The following TRIM38 variants were observed in gnomAD, a reference collection of about 807,000 sequenced individuals.
The protein encoded by TRIM38 is E3 ubiquitin-protein ligase TRIM38.
A neutral mutation model predicts 35.8 loss-of-function variants in TRIM38; 35 were observed. The ratio of observed to expected loss-of-function variants is 0.98; its 90% confidence interval spans 0.75 to 1.30. TRIM38 has a LOEUF of 1.30. Among genes scored for constraint, TRIM38 ranks in the 50% most tolerant of loss-of-function variants. The pLI is 0.00. For synonymous variants in TRIM38, 198 were observed against 204.7 expected (o/e 0.97, Z 0.28); for missense variants, 545 against 556.9 (o/e 0.98, Z 0.21).
intron 7 of TRIM38, among the ~76,000 whole-genome samples, chr6:25,977,188 G>A (rs1214725850): frequency 6.6e-6 from 1 of 152,142 alleles, no homozygotes; most frequent in Non-Finnish European, 1.5e-5. Flanking sequence ...TGTCCAAAGA[G>A]CTTAGTCATC....
In TRIM38 at chr6:25,986,763, T is replaced by C. The variant is rs1481605460; in HGVS notation, c.*3076T>C. ...AGAAAATCCAGGTCTTGTTTGTGTA[T>C]GGAAACTCCAGAAAATCACAGATTC... On this transcript the variant is annotated 3_prime_UTR_variant, in exon 8 of 8. Transcript: ENST00000357085. 6.6e-6 allele frequency: 1 copy of C among 152,074 alleles called. No homozygotes were observed. The highest frequency in any genetic ancestry group is 2.4e-5 in the African/African-American group (1 of 41,400). 9.4% of individuals were successfully genotyped at this position (152,074 alleles called of 1,614,324 possible). A position where few individuals can be genotyped will look rare whatever the true frequency, so the allele number is the denominator to read the frequency against.
chr6:25,966,976 A>T, intron 3 of TRIM38, 43 bp downstream of exon 3: 1 of 1,528,236 alleles, frequency 6.5e-7, no homozygotes, highest in Non-Finnish European at 8.8e-7. Flanking sequence ...ACCAAGTCTT[A>T]TCCTGCTCCC....
intron 3 of TRIM38, among the ~76,000 whole-genome samples, chr6:25,968,711 T>C (rs1382792063): frequency 1.3e-5 from 2 of 152,234 alleles, no homozygotes; most frequent in Non-Finnish European, 2.9e-5. Context: ...AGAAACTGTT[T>C]TGAAGAATAA....
chr6:25,976,129 T>C (rs1760386272), intron 7 of TRIM38, among the ~76,000 whole-genome samples: 1 of 152,190 alleles, frequency 6.6e-6, no homozygotes, highest in African/African-American at 2.4e-5. Context: ...CATTTTTGCT[T>C]TATAGAGGAG....
chr6:25,987,990 G>A lies in TRIM38; in HGVS notation c.*4303G>A, dbSNP rs1399906285. On this transcript the variant is annotated 3_prime_UTR_variant, in exon 8 of 8. Coordinates refer to ENST00000357085, the MANE Select transcript of TRIM38 (RefSeq NM_006355.5). ...TTACTCCGGACCAGATTGAAGACTAGCCGAAACAGGGACGAGGTTAAAGCA... is the reference window on the plus strand; with the variant it reads ...TTACTCCGGACCAGATTGAAGACTAACCGAAACAGGGACGAGGTTAAAGCA... 1 of 152,176 alleles carries A rather than the reference G, an allele frequency of 6.6e-6. No homozygotes were observed. The highest frequency in any genetic ancestry group is 1.5e-5 in the Non-Finnish European group (1 of 68,032). The allele number at this position is 152,176 out of a possible 1,614,324, so 9.4% of individuals were successfully genotyped here.
intron 7 of TRIM38, chr6:25,975,182 C>T: frequency 1.0e-6 from 1 of 958,194 alleles, no homozygotes; most frequent in Non-Finnish European, 1.2e-6. Context: ...TATTTCTCCC[C>T]TCTTAAACAC....
In TRIM38 at chr6:25,963,172, G is replaced by A. The variant is rs925850255; in HGVS notation, c.-299G>A. On this transcript the variant is annotated 5_prime_UTR_variant, in exon 2 of 8. Coordinates refer to ENST00000357085, the MANE Select transcript of TRIM38 (RefSeq NM_006355.5). ...AGAGCAGTGACCCCAGCAGAGAGGG[G>A]CCTGGTGTATCACTGGAGGAAATAG... The A allele has an allele frequency of 6.6e-6, 1 of 152,356 alleles. No individual in the cohort carries two copies. Among genetic ancestry groups the A allele is most frequent in the Non-Finnish European group, 1.5e-5 (1 of 68,098 alleles). 9.4% of individuals were successfully genotyped at this position (152,356 alleles called of 1,614,324 possible).
At chr6:25,970,836 G>A (rs898315771) in intron 4 of TRIM38, among the ~76,000 whole-genome samples, 1 of 152,136 alleles carries the variant, frequency 6.6e-6, no homozygotes, top group African/African-American at 2.4e-5. Context: ...AAATTGCCCT[G>A]AATACACACT....
chr6:25,991,214 G>A lies in TRIM38; in HGVS notation c.*7527G>A, dbSNP rs1196327119. Reference sequence around the variant, plus strand: ...TTGGACACTGGGTCCATTAAAGATTGTATGTGAAATTATAAAAGAAACGTT... The same window carrying A: ...TTGGACACTGGGTCCATTAAAGATTATATGTGAAATTATAAAAGAAACGTT... On this transcript the variant is annotated 3_prime_UTR_variant, in exon 8 of 8. Coordinates refer to ENST00000357085, the MANE Select transcript of TRIM38 (RefSeq NM_006355.5). The A allele has an allele frequency of 2.0e-5, 3 of 152,194 alleles. No individual in the cohort carries two copies. The highest frequency in any genetic ancestry group is 1.3e-4 in the Admixed American group (2 of 15,278). 9.4% of individuals were successfully genotyped at this position (152,194 alleles called of 1,614,324 possible).
chr6:25,989,839 A>G lies in TRIM38; in HGVS notation c.*6152A>G, dbSNP rs1170392188. The G allele has an allele frequency of 6.6e-6, 1 of 151,900 alleles. No homozygotes were observed. The highest frequency in any genetic ancestry group is 1.5e-5 in the Non-Finnish European group (1 of 67,972). 9.4% of individuals were successfully genotyped at this position (151,900 alleles called of 1,614,324 possible). ...ATTTAAGACATTTTATAACTGGCCA[A>G]ATTTACTAGCTTAGATACTATTAGA... On this transcript the variant is annotated 3_prime_UTR_variant, in exon 8 of 8. Transcript: ENST00000357085.
chr6:25,990,406 T>A lies in TRIM38; in HGVS notation c.*6719T>A, dbSNP rs1561907191. The A allele has an allele frequency of 1.3e-5, 2 of 152,230 alleles. No homozygotes were observed. Among genetic ancestry groups the A allele is most frequent in the Non-Finnish European group, 2.9e-5 (2 of 68,090 alleles). The allele number at this position is 152,230 out of a possible 1,614,324, so 9.4% of individuals were successfully genotyped here. On this transcript the variant is annotated 3_prime_UTR_variant, in exon 8 of 8. Coordinates refer to ENST00000357085, the MANE Select transcript of TRIM38 (RefSeq NM_006355.5). ...TCACTGCAGCCTTGACTGCCTAGGC[T>A]CAAGTCATCCTCCCACCTCAGCCTC...
intron 3 of TRIM38, among the ~76,000 whole-genome samples, chr6:25,968,831 G>A (rs923023151): frequency 1.3e-5 from 2 of 152,280 alleles, no homozygotes; most frequent in East Asian, 3.9e-4. Context: ...ATAACCAGCT[G>A]GCATCCTGAT....
Position 25,986,219 on chromosome 6 carries a change from A to G in TRIM38, c.*2532A>G, listed in dbSNP as rs1216260499. 6.6e-6 allele frequency: 1 copy of G among 152,234 alleles called. No homozygotes were observed. The highest frequency in any genetic ancestry group is 1.5e-5 in the Non-Finnish European group (1 of 68,036). The allele number at this position is 152,234 out of a possible 1,614,324, so 9.4% of individuals were successfully genotyped here. On this transcript the variant is annotated 3_prime_UTR_variant, in exon 8 of 8. Coordinates refer to ENST00000357085, the MANE Select transcript of TRIM38 (RefSeq NM_006355.5). ...AAATCTAAACAGACTGATAAATACA[A>G]AATGAAATTCAGACACTTACAGAGC...
chr6:25,989,507 A>ATTTTTTTTTTTTTTTTTTTTTTTTT lies in TRIM38; in HGVS notation c.*5822_*5823insTTTTTTTTTTTTTTTTTTTTTTTTT, dbSNP rs1254792103. On this transcript the variant is annotated 3_prime_UTR_variant, in exon 8 of 8. Coordinates refer to ENST00000357085, the MANE Select transcript of TRIM38 (RefSeq NM_006355.5). ...TTTGCTATTGTTAGCAAGGTCTTGT[A>ATTTTTTTTTTTTTTTTTTTTTTTTT]TTCTTTTTTTTTTTTTTTTTTTTTT... is the stretch of plus-strand genomic sequence containing the variant. 1.8e-5 allele frequency: 2 copies of ATTTTTTTTTTTTTTTTTTTTTTTTT among 109,938 alleles called. No individual in the cohort carries two copies. The highest frequency in any genetic ancestry group is 9.2e-5 in the Admixed American group (1 of 10,822). 6.8% of individuals were successfully genotyped at this position (109,938 alleles called of 1,614,324 possible).
In TRIM38 at chr6:25,972,125, A is replaced by G. The variant is rs755161078; in HGVS notation, c.738+26A>G. 15 of 1,593,842 alleles carry G rather than the reference A, an allele frequency of 9.4e-6. No homozygotes were observed. In the African/African-American group the frequency reaches 2.0e-4, roughly 21 times the overall value. On this transcript the variant is annotated intron_variant, in intron 5 of 7. Transcript: ENST00000357085. ...GTGAGGCTGTGTACTTGGAGTAGGG[A>G]AAAAAGGTATGTTATAGTGCTATTA... is the stretch of plus-strand genomic sequence containing the variant.
At chr6:25,968,209 A>G (rs1213465170) in intron 3 of TRIM38, among the ~76,000 whole-genome samples, 2 of 152,180 alleles carry the variant, frequency 1.3e-5, no homozygotes, top group Non-Finnish European at 2.9e-5. Flanking sequence ...GGACATGTCA[A>G]TCATGACCAC....
At chr6:25,972,987 C>T in intron 5 of TRIM38, 67 bp from the exon 6 acceptor site, 1 of 1,600,866 alleles carries the variant, frequency 6.2e-7, no homozygotes, top group Non-Finnish European at 8.6e-7. Context: ...GAAGAATAGC[C>T]CTGCATGACA....
At chr6:25,974,085 T>G (rs1478173478) in intron 7 of TRIM38, among the ~76,000 whole-genome samples, 1 of 152,232 alleles carries the variant, frequency 6.6e-6, no homozygotes, top group Non-Finnish European at 1.5e-5. Context: ...TCTCAATTTT[T>G]GTGGTTCAGG....
intron 3 of TRIM38, among the ~76,000 whole-genome samples, chr6:25,968,982 A>T (rs1760145039): frequency 6.6e-6 from 1 of 152,190 alleles, no homozygotes; most frequent in Admixed American, 6.5e-5. Context: ...GCAGGACTCT[A>T]GTGGTGGACA....
Sources: gnomAD v4.1 joint callset for allele counts (sites outside exome capture counted in the v4.1 genomes callset) on GRCh38, gnomAD v4.1.1 for gene constraint, MANE v1.5 for transcripts, NCBI Gene and HGNC (gene_info 2026-07-23, HGNC 2026-07-21) for gene names.